CDH7: variants seen among roughly 807,000 people sequenced by gnomAD.
CDH7 encodes cadherin 7.
In CDH7, 25 loss-of-function variants were observed where a neutral mutation model predicts 71.8. The ratio of observed to expected loss-of-function variants is 0.35; its 90% confidence interval spans 0.25 to 0.49. The LOEUF is 0.49. Among genes scored for constraint, CDH7 ranks in the 20% least tolerant of loss-of-function variants. CDH7 has a pLI of 0.99. For missense variants in CDH7, 862 were observed against 974.6 expected (o/e 0.88, Z 1.54); for synonymous variants, 381 against 363.8 (o/e 1.05, Z -0.54).
At chr18:65,852,091 A>G (rs1913169938) in intron 7 of CDH7, among the ~76,000 whole-genome samples, 1 of 152,176 alleles carries the variant, frequency 6.6e-6, no homozygotes, top group Admixed American at 6.5e-5. Context: ...TGTGTGTGGT[A>G]TATTTGTTCA....
At position 65,790,658 on chromosome 18, in the gene CDH7, C is replaced by G. The variant is rs1371865365; in HGVS notation, c.211-19046C>G. ...CCAAGGCGGGAGGATCACTTGAGGT[C>G]AGGAGTCCAAGACCAGCCTGGCTAA... On this transcript the variant is annotated intron_variant, in intron 2 of 11. Transcript: ENST00000397968. Among the ~76,000 whole-genome samples the G allele has an allele frequency of 3.3e-5, 5 of 152,130 alleles. No individual in the cohort carries two copies. The East Asian group carries it at 9.6e-4, about 29-fold the overall frequency.
intron 6 of CDH7, among the ~76,000 whole-genome samples, chr18:65,825,196 A>T (rs1201071421): frequency 6.6e-6 from 1 of 151,954 alleles, no homozygotes; most frequent in Non-Finnish European, 1.5e-5. Context: ...TGCAAACAAC[A>T]GATGCTATTA....
rs375091808 is a variant in CDH7 at position 65,809,865 on chromosome 18, G to A, written c.372G>A (p.Ala124=). Reference sequence around the variant, plus strand: ...CCTACTACACGCTCCGAGCTCAAGCGCTGGATAGGCTCACCAACAAACCCG... The same window carrying A: ...CCTACTACACGCTCCGAGCTCAAGCACTGGATAGGCTCACCAACAAACCCG... ...EQAYYTLRAQ[A]LDRLTNKPVE... is the part of the protein sequence containing the mutation. Residue 124 remains alanine (A), a synonymous_variant, in exon 3 of 12, where the codon GCG becomes GCA. Coordinates refer to ENST00000397968, the MANE Select transcript of CDH7 (RefSeq NM_004361.5). The A allele has an allele frequency of 4.1e-5, 66 of 1,613,856 alleles. No individual in the cohort carries two copies. Among genetic ancestry groups the A allele is most frequent in the Middle Eastern group, 1.6e-4 (1 of 6,084 alleles).
rs1255872560 is a variant in CDH7, at chr18:65,781,872, C to T, written c.210+18820C>T. On this transcript the variant is annotated intron_variant, in intron 2 of 11. Coordinates refer to ENST00000397968, the MANE Select transcript of CDH7 (RefSeq NM_004361.5). The stretch of plus-strand genomic sequence containing the variant: ...TTTCTTTCTTTCTTTCTTTCTCTCT[C>T]TCTCTCTGTCTCTCTCTCTCTTTCT... Among the ~76,000 whole-genome samples the T allele has an allele frequency of 1.6e-3, 133 of 80,860 alleles. 10 individuals carry two copies. The highest frequency in any genetic ancestry group is 4.1e-3 in the African/African-American group (76 of 18,488). The allele number at this position is 80,860 out of a possible 152,430, so 53.0% of individuals were successfully genotyped here. A position where few individuals can be genotyped will look rare whatever the true frequency, so the allele number is the denominator to read the frequency against.
At chr18:65,800,052 A>G (rs1379662431) in intron 2 of CDH7, among the ~76,000 whole-genome samples, 1 of 152,164 alleles carries the variant, frequency 6.6e-6, no homozygotes, top group African/African-American at 2.4e-5. Flanking sequence ...ATTAAATTTT[A>G]TGTAACAACT....
chr18:65,782,168 T>C (rs1243440807), intron 2 of CDH7, among the ~76,000 whole-genome samples: 1 of 126,212 alleles, frequency 7.9e-6, no homozygotes. Context: ...CTTTCTTCCT[T>C]TCTTTCTTTC....
chr18:65,828,992 T>C (rs1002901826), intron 6 of CDH7, among the ~76,000 whole-genome samples: 5 of 152,200 alleles, frequency 3.3e-5, no homozygotes, highest in Non-Finnish European at 5.9e-5. Context: ...ATAGATCTGA[T>C]TTTTAAGTTT....
intron 11 of CDH7, among the ~76,000 whole-genome samples, chr18:65,878,337 C>G (rs780509463): frequency 6.6e-6 from 1 of 152,192 alleles, no homozygotes; most frequent in Non-Finnish European, 1.5e-5. Context: ...TCAGTCCACA[C>G]TGTGAAGATT....
Position 65,883,298 on chromosome 18 carries a change from T to C in CDH7, c.*2404T>C, listed in dbSNP as rs1031917150. ...AGAATGTTCCTAATATAGGTAGTAT[T>C]TATATGAAGTATTCTAAGCTTAATT... On this transcript the variant is annotated 3_prime_UTR_variant, in exon 12 of 12. Coordinates refer to ENST00000397968, the MANE Select transcript of CDH7 (RefSeq NM_004361.5). 6.6e-6 allele frequency: 1 copy of C among 151,992 alleles called. No individual in the cohort carries two copies. The highest frequency in any genetic ancestry group is 6.6e-5 in the Admixed American group (1 of 15,256). The allele number at this position is 151,992 out of a possible 1,614,324, so 9.4% of individuals were successfully genotyped here.
intron 7 of CDH7, among the ~76,000 whole-genome samples, chr18:65,854,231 G>T (rs111679543): frequency 0.085 from 12,926 of 151,746 alleles, 832 homozygotes; most frequent in African/African-American, 0.18. Flanking sequence ...ACTTGAGCCT[G>T]AGAGGTTGAG....
At chr18:65,872,230 G>A (rs1913949270) in intron 11 of CDH7, among the ~76,000 whole-genome samples, 2 of 152,136 alleles carry the variant, frequency 1.3e-5, no homozygotes, top group African/African-American at 4.8e-5. Context: ...GGGCCACAAA[G>A]TGCTCATTGG....
At chr18:65,763,977 G>A (rs1267717575) in intron 2 of CDH7, among the ~76,000 whole-genome samples, 1 of 151,824 alleles carries the variant, frequency 6.6e-6, no homozygotes, top group Non-Finnish European at 1.5e-5. Flanking sequence ...CCTGGTGAAG[G>A]TTTTCTAAAT....
intron 11 of CDH7, among the ~76,000 whole-genome samples, chr18:65,868,646 C>T (rs944610705): frequency 6.6e-6 from 1 of 152,132 alleles, no homozygotes; most frequent in Non-Finnish European, 1.5e-5. Flanking sequence ...ATAGTATCTT[C>T]CAATTCCTTC....
intron 6 of CDH7, among the ~76,000 whole-genome samples, chr18:65,840,016 G>A (rs4536554): frequency 0.91 from 139,157 of 152,212 alleles, 64,878 homozygotes; most frequent in East Asian, 1. Flanking sequence ...TTAAAATCTG[G>A]GTTACCTATC....
chr18:65,861,931 G>T (rs1338953728), intron 10 of CDH7, among the ~76,000 whole-genome samples: 2 of 151,860 alleles, frequency 1.3e-5, no homozygotes, highest in African/African-American at 4.8e-5. Context: ...AAGTTAGTTG[G>T]AAAACTGCTA....
chr18:65,849,709 G>C (rs374911062), intron 7 of CDH7, among the ~76,000 whole-genome samples: 1 of 150,690 alleles, frequency 6.6e-6, no homozygotes, highest in Non-Finnish European at 1.5e-5. Context: ...CACCACCCCC[G>C]GCCCATTTTT....
chr18:65,840,679 G>A (rs867628335), intron 6 of CDH7, among the ~76,000 whole-genome samples: 24 of 152,222 alleles, frequency 1.6e-4, no homozygotes, highest in Middle Eastern at 3.4e-3. Flanking sequence ...CACGTGAGAT[G>A]TGCCTTTCAC....
rs773053568 is a variant in CDH7 at position 65,880,855 on chromosome 18, G to T, written c.2319G>T (p.Ala773=). 6.2e-7 allele frequency: 1 copy of T among 1,613,962 alleles called. No individual in the cohort carries two copies. Among genetic ancestry groups the T allele is most frequent in the African/African-American group, 1.3e-5 (1 of 74,970 alleles). The change falls in exon 12 of 12, where the codon GCG becomes GCT. Residue 773 remains alanine (A), a synonymous_variant. Transcript: ENST00000397968. ...GGGGACCTCGCTTTAAACGACTCGC[G>T]GACATGTATGGGACTGGCCAAGAGA... ...SDWGPRFKRL[A]DMYGTGQESL...
intron 2 of CDH7, among the ~76,000 whole-genome samples, chr18:65,791,793 T>A (rs139820273): frequency 3.9e-5 from 6 of 152,214 alleles, no homozygotes; most frequent in Non-Finnish European, 7.3e-5. Flanking sequence ...ACACTGTCCC[T>A]AGTTTCATAA....
Sources: allele counts gnomAD v4.1 joint callset (sites outside exome capture counted in the v4.1 genomes callset), GRCh38; gene constraint gnomAD v4.1.1; transcripts MANE v1.5; gene names NCBI Gene and HGNC (gene_info 2026-07-23, HGNC 2026-07-21).